Variants in SLC38A9 observed in about 807,000 individuals in gnomAD.
SLC38A9 encodes the protein neutral amino acid transporter 9.
Under a neutral mutation model 62.3 loss-of-function variants are expected in SLC38A9, and 48 were observed. The observed-to-expected ratio is 0.77, with a 90% CI of 0.61 to 0.98. The LOEUF (loss-of-function observed/expected upper bound fraction) is 0.98, where lower values mean the gene tolerates loss of function less well. Among genes scored for constraint, SLC38A9 ranks in the 50% least tolerant of loss-of-function variants. SLC38A9 has a pLI of 0.00. For synonymous variants in SLC38A9, 204 were observed against 227.7 expected (o/e 0.90, Z 0.94); for missense variants, 541 against 679.8 (o/e 0.80, Z 2.27).
intron 10 of SLC38A9, among the ~76,000 whole-genome samples, chr5:55,652,301 G>A (rs1213048768): frequency 8.0e-6 from 1 of 124,618 alleles, no homozygotes; most frequent in African/African-American, 2.9e-5. Flanking sequence ...AGGTTGCAGT[G>A]AGCCAAGATT....
chr5:55,655,484 G>A (rs1379849657), intron 9 of SLC38A9, among the ~76,000 whole-genome samples: 1 of 152,108 alleles, frequency 6.6e-6, no homozygotes, highest in Non-Finnish European at 1.5e-5. Flanking sequence ...AAGGAATAGG[G>A]CACAAGAGAT....
chr5:55,656,811 T>G, intron 8 of SLC38A9, 37 bp from the exon 9 acceptor site: 1 of 1,078,688 alleles, frequency 9.3e-7, no homozygotes, highest in South Asian at 1.4e-5. Context: ...TAACACTGAA[T>G]GAAAGACACT....
At chr5:55,676,182 C>T (rs1026456422) in intron 3 of SLC38A9, among the ~76,000 whole-genome samples, 1 of 152,016 alleles carries the variant, frequency 6.6e-6, no homozygotes, top group Admixed American at 6.6e-5. Context: ...TTCTTACTTT[C>T]TTTTTGAGAC....
chr5:55,688,731 T>G (rs1754320365), intron 3 of SLC38A9, among the ~76,000 whole-genome samples: 1 of 152,012 alleles, frequency 6.6e-6, no homozygotes, highest in South Asian at 2.1e-4. Context: ...TTTACTAGCC[T>G]TAATAAAATA....
intron 3 of SLC38A9, among the ~76,000 whole-genome samples, chr5:55,677,949 TG>T (rs957620138): frequency 5.4e-5 from 8 of 148,760 alleles, no homozygotes; most frequent in African/African-American, 1.7e-4. Flanking sequence ...TGTGTGTGTG[TG>T]TGTGTGTGTG....
intron 8 of SLC38A9, among the ~76,000 whole-genome samples, chr5:55,663,599 C>T (rs777955767): frequency 3.3e-5 from 5 of 151,632 alleles, no homozygotes; most frequent in African/African-American, 7.3e-5. Flanking sequence ...TGAGTGTTAC[C>T]GCGGGTGCCT....
chr5:55,701,804 A>G (rs375187232), intron 2 of SLC38A9, among the ~76,000 whole-genome samples: 3 of 152,356 alleles, frequency 2.0e-5, no homozygotes, highest in East Asian at 3.9e-4. Context: ...CATTTTATAG[A>G]TAAGTATACA....
At chr5:55,641,735 A>T (rs1173652875) in intron 12 of SLC38A9, among the ~76,000 whole-genome samples, 2 of 152,242 alleles carry the variant, frequency 1.3e-5, no homozygotes, top group East Asian at 3.8e-4. Flanking sequence ...TGCTTTGCAG[A>T]CTGTACAGTG....
In SLC38A9 at chr5:55,683,543, A is replaced by G. The variant is rs995876954; in HGVS notation, c.114-10848T>C. Among the ~76,000 whole-genome samples, 57 of 152,248 alleles carry G rather than the reference A, an allele frequency of 3.7e-4. 1 individual carries two copies. Among genetic ancestry groups the G allele is most frequent in the Non-Finnish European group, 1.6e-4 (11 of 68,042 alleles). On this transcript the variant is annotated intron_variant, in intron 3 of 15. Transcript: ENST00000396865. ...TGAAGAAAATGAAATCACCTATCAGAAATAACCACTGTTAACATTTTAGTG... is the reference window on the plus strand; with the variant it reads ...TGAAGAAAATGAAATCACCTATCAGGAATAACCACTGTTAACATTTTAGTG...
chr5:55,627,030 G>A (rs1272240416), intron 15 of SLC38A9, among the ~76,000 whole-genome samples: 1 of 152,044 alleles, frequency 6.6e-6, no homozygotes, highest in Admixed American at 6.6e-5. Flanking sequence ...GGGACCGTTA[G>A]CATCCCGGTT....
At chr5:55,680,422 C>T (rs1240540606) in intron 3 of SLC38A9, among the ~76,000 whole-genome samples, 1 of 152,120 alleles carries the variant, frequency 6.6e-6, no homozygotes, top group Non-Finnish European at 1.5e-5. Flanking sequence ...GAGGTGGAGC[C>T]TTTAGGAGGT....
intron 3 of SLC38A9, among the ~76,000 whole-genome samples, chr5:55,678,645 C>CTTTGTTTTT (rs1561397701): frequency 2.2e-5 from 1 of 45,800 alleles, no homozygotes; most frequent in African/African-American, 7.4e-5. Context: ...CTGAAATGAA[C>CTTTGTTTTT]TTTTTTTTTT....
chr5:55,662,699 A>AAAG (rs1749803479), intron 8 of SLC38A9, among the ~76,000 whole-genome samples: 1 of 150,960 alleles, frequency 6.6e-6, no homozygotes, highest in Non-Finnish European at 1.5e-5. Context: ...AAAAAAAAAA[A>AAAG]TGCAAAACAA....
intron 9 of SLC38A9, among the ~76,000 whole-genome samples, chr5:55,653,367 T>C (rs1747875229): frequency 6.6e-6 from 1 of 152,204 alleles, no homozygotes; most frequent in African/African-American, 2.4e-5. Context: ...TGGATGGTAT[T>C]TGGTCTTATT....
intron 7 of SLC38A9, among the ~76,000 whole-genome samples, chr5:55,667,626 T>C (rs7735053): frequency 0.6 from 91,216 of 152,014 alleles, 27,957 homozygotes; most frequent in South Asian, 0.7. Context: ...AATTTTACGT[T>C]TCTATATTAT....
intron 3 of SLC38A9, chr5:55,694,316 G>A (rs1165077946): frequency 1.2e-5 from 2 of 164,374 alleles, no homozygotes; most frequent in African/African-American, 4.8e-5. Flanking sequence ...AACCATTTAA[G>A]GACCATTTGA....
At chr5:55,679,635 G>T (rs554778289) in intron 3 of SLC38A9, among the ~76,000 whole-genome samples, 1 of 151,874 alleles carries the variant, frequency 6.6e-6, no homozygotes, top group African/African-American at 2.4e-5. Context: ...CTGGAATGAG[G>T]CTTAAAGAAT....
intron 7 of SLC38A9, among the ~76,000 whole-genome samples, chr5:55,667,392 T>C (rs1437044721): frequency 2.0e-5 from 3 of 152,210 alleles, no homozygotes; most frequent in Non-Finnish European, 4.4e-5. Flanking sequence ...TAAGTAGTGC[T>C]TTTCACTTAG....
chr5:55,644,954 G>A (rs1320123471), intron 12 of SLC38A9, among the ~76,000 whole-genome samples: 1 of 151,710 alleles, frequency 6.6e-6, no homozygotes, highest in Non-Finnish European at 1.5e-5. Context: ...ATCTATGAGT[G>A]AGAACATGCG....
Sources: allele counts gnomAD v4.1 joint callset (sites outside exome capture counted in the v4.1 genomes callset), GRCh38; gene constraint gnomAD v4.1.1; transcripts MANE v1.5; gene names NCBI Gene and HGNC (gene_info 2026-07-23, HGNC 2026-07-21).